Variants in MAP2K6 observed in about 807,000 individuals in gnomAD.
MAP2K6 encodes the protein mitogen-activated protein kinase kinase 6, also known as dual specificity mitogen-activated protein kinase kinase 6.
A neutral mutation model predicts 53.7 loss-of-function variants in MAP2K6; 16 were observed. The ratio of observed to expected loss-of-function variants is 0.30; its 90% CI spans 0.20 to 0.45. MAP2K6 has a LOEUF of 0.45. Among genes scored for constraint, MAP2K6 ranks in the 20% least tolerant of loss-of-function variants. The probability of loss-of-function intolerance (pLI) is 1.00; values close to 1 mark genes in which losing one functional copy is unlikely to be tolerated. For missense variants in MAP2K6, 204 were observed against 411.9 expected (o/e 0.50, Z 4.37); for synonymous variants, 132 against 143.1 (o/e 0.92, Z 0.55).
chr17:69,499,286 T>A (rs544500406), intron 1 of MAP2K6, among the ~76,000 whole-genome samples: 2 of 152,336 alleles, frequency 1.3e-5, no homozygotes, highest in African/African-American at 4.8e-5. Context: ...ACTCATATTT[T>A]AAAAATGTAA....
chr17:69,455,453 G>A (rs543617291), intron 1 of MAP2K6, among the ~76,000 whole-genome samples: 6 of 152,212 alleles, frequency 3.9e-5, no homozygotes, highest in Admixed American at 1.3e-4. Flanking sequence ...CAGGAAGAGA[G>A]GACAGTATTT....
At chr17:69,486,302 T>C (rs1031822161) in intron 1 of MAP2K6, among the ~76,000 whole-genome samples, 3 of 152,190 alleles carry the variant, frequency 2.0e-5, no homozygotes, top group African/African-American at 7.2e-5. Context: ...AATGGACCAG[T>C]TTCTTGGGGG....
At chr17:69,526,424 T>C in intron 9 of MAP2K6, 146 bp from the exon 10 acceptor site, 1 of 776,962 alleles carries the variant, frequency 1.3e-6, no homozygotes, top group Non-Finnish European at 2.0e-6. Context: ...GAACAAATTA[T>C]TAGTTTATTT....
chr17:69,493,590 G>C (rs1278940688), intron 1 of MAP2K6, among the ~76,000 whole-genome samples: 1 of 151,936 alleles, frequency 6.6e-6, no homozygotes, highest in Non-Finnish European at 1.5e-5. Flanking sequence ...GCGAAACCCC[G>C]TCTCTACTAA....
chr17:69,449,531 G>GTCTTTCTTTCTTTCCTT (rs1907106189), intron 1 of MAP2K6, among the ~76,000 whole-genome samples: 1 of 103,386 alleles, frequency 9.7e-6, no homozygotes, highest in African/African-American at 4.7e-5. Context: ...TTCTTTCTTT[G>GTCTTTCTTTCTTTCCTT]TCTTTCTTTC....
At chr17:69,472,164 T>A (rs1908003394) in intron 1 of MAP2K6, among the ~76,000 whole-genome samples, 1 of 152,140 alleles carries the variant, frequency 6.6e-6, no homozygotes, top group South Asian at 2.1e-4. Context: ...ATGCTACAAA[T>A]GCATGCTAGC....
intron 1 of MAP2K6, among the ~76,000 whole-genome samples, chr17:69,475,632 G>A (rs1479787003): frequency 1.3e-5 from 2 of 152,198 alleles, no homozygotes; most frequent in Non-Finnish European, 1.5e-5. Context: ...CTGGATTGTA[G>A]GTTAATATAG....
At chr17:69,519,462 A>C (rs1349897631) in intron 5 of MAP2K6, 30 bp downstream of exon 5, 1 of 1,612,414 alleles carries the variant, frequency 6.2e-7, no homozygotes, top group East Asian at 2.2e-5. Context: ...AAAGTCCAAG[A>C]GGAACAATAA....
Position 69,521,076 on chromosome 17 carries a change from A to G in MAP2K6, c.511A>G (p.Ser171Gly), listed in dbSNP as rs1910439788. 2 of 1,610,266 alleles carry G rather than the reference A, an allele frequency of 1.2e-6. No individual in the cohort carries two copies. Among genetic ancestry groups the G allele is most frequent in the Admixed American group, 1.7e-5 (1 of 59,496 alleles). ...SIVKALEHLH[S>G]KLSVIHRDVK... ...TGTAAAAGCATTAGAACATTTACAT[A>G]GTAAGCTGTCTGTCATTCACAGAGG... Residue 171 changes from serine (S) to glycine (G), a missense_variant, in exon 7 of 12, where the codon AGT (serine) becomes GGT (glycine). Physicochemically the swap from Ser to Gly is moderately conservative, Grantham distance 56. Around this residue, in one of 3 missense-constraint regions of MAP2K6, gnomAD observed 129 missense variants for 247.1 expected, o/e 0.52. Transcript: ENST00000590474.
At chr17:69,489,220 C>CAA (rs58968517) in intron 1 of MAP2K6, among the ~76,000 whole-genome samples, 70 of 62,516 alleles carry the variant, frequency 1.1e-3, no homozygotes, top group Admixed American at 1.6e-3. Context: ...AACTCTGTCT[C>CAA]AAAAAAAAAA....
At chr17:69,485,504 C>G (rs138907485) in intron 1 of MAP2K6, 3 of 969,518 alleles carry the variant, frequency 3.1e-6, no homozygotes, top group East Asian at 2.3e-4. Flanking sequence ...TCATTTGAAA[C>G]TACGGGAACT....
intron 1 of MAP2K6, among the ~76,000 whole-genome samples, chr17:69,446,898 T>C (rs1159115557): frequency 6.6e-6 from 1 of 152,044 alleles, no homozygotes; most frequent in Non-Finnish European, 1.5e-5. Flanking sequence ...TATGCAATTA[T>C]CTGAAGTGGT....
Position 69,550,278 on chromosome 17 carries a change from A to AAT in MAP2K6, c.*8529_*8530dup, listed in dbSNP as rs1912040225. The AAT allele has an allele frequency of 6.6e-6, 1 of 152,188 alleles. No individual in the cohort carries two copies. Among genetic ancestry groups the AAT allele is most frequent in the Non-Finnish European group, 1.5e-5 (1 of 68,028 alleles). The allele number at this position is 152,188 out of a possible 1,614,324, so 9.4% of individuals were successfully genotyped here. ...AACGATATGCCTAAAGCATTTTGAGAATATACCCCTCATCCATCAGCCACC... is the reference window on the plus strand; with the variant it reads ...AACGATATGCCTAAAGCATTTTGAGAATATATACCCCTCATCCATCAGCCACC... On this transcript the variant is annotated 3_prime_UTR_variant, in exon 12 of 12. Transcript: ENST00000590474.
At chr17:69,517,333 C>T (rs1431147105) in intron 3 of MAP2K6, among the ~76,000 whole-genome samples, 167 bp from the exon 4 acceptor site, 1 of 152,024 alleles carries the variant, frequency 6.6e-6, no homozygotes, top group East Asian at 1.9e-4. Context: ...CATCTCTTGG[C>T]CCTTCTTGTA....
intron 1 of MAP2K6, among the ~76,000 whole-genome samples, chr17:69,449,924 T>C (rs1264936414): frequency 1.3e-5 from 2 of 149,886 alleles, no homozygotes; most frequent in East Asian, 2.0e-4. Context: ...CTTTCTCTCT[T>C]TCTCTCTTTC....
chr17:69,469,231 C>G (rs2145179179), intron 1 of MAP2K6, among the ~76,000 whole-genome samples: 1 of 152,346 alleles, frequency 6.6e-6, no homozygotes, highest in Middle Eastern at 3.4e-3. Context: ...AAGTTCTTCT[C>G]ACATTGCATC....
intron 1 of MAP2K6, among the ~76,000 whole-genome samples, chr17:69,421,441 G>A (rs1037749942): frequency 6.6e-6 from 1 of 152,110 alleles, no homozygotes; most frequent in Non-Finnish European, 1.5e-5. Flanking sequence ...CAATAGAATT[G>A]AAGTGATTTC....
chr17:69,512,959 C>A (rs1909940776), intron 2 of MAP2K6, among the ~76,000 whole-genome samples: 1 of 152,102 alleles, frequency 6.6e-6, no homozygotes, highest in East Asian at 1.9e-4. Context: ...AAAATGAATA[C>A]TAGGTGACCT....
Position 69,548,773 on chromosome 17 carries a change from C to G in MAP2K6, c.*7020C>G, listed in dbSNP as rs931572726. The G allele has an allele frequency of 6.6e-6, 1 of 152,146 alleles. No homozygotes were observed. Among genetic ancestry groups the G allele is most frequent in the African/African-American group, 2.4e-5 (1 of 41,438 alleles). 9.4% of individuals were successfully genotyped at this position (152,146 alleles called of 1,614,324 possible). ...TATTTTTCTGAGGTTTAGAAAGTCA[C>G]TGTTTACAGCTATGCAAATATTGTA... On this transcript the variant is annotated 3_prime_UTR_variant, in exon 12 of 12. Coordinates refer to ENST00000590474, the MANE Select transcript of MAP2K6 (RefSeq NM_002758.4).
Sources: gnomAD v4.1 joint callset for allele counts (sites outside exome capture counted in the v4.1 genomes callset) on GRCh38, gnomAD v4.1.1 for gene constraint, gnomAD v4.1.1 regional missense constraint, MANE v1.5 for transcripts, NCBI Gene and HGNC (gene_info 2026-07-23, HGNC 2026-07-21) for gene names.